ZFYVE26: variants seen among roughly 807,000 people sequenced by gnomAD.
The protein encoded by ZFYVE26 is zinc finger FYVE domain-containing protein 26.
A neutral mutation model predicts 276.5 loss-of-function variants in ZFYVE26; 181 were observed. That is an observed-to-expected ratio of 0.65 (90% CI 0.58 to 0.74). ZFYVE26 has a LOEUF of 0.74. ZFYVE26 is among the 30% of genes least tolerant of loss of function. The pLI is 0.00. For synonymous variants in ZFYVE26, 1,129 were observed against 1,203.1 expected, an observed-to-expected ratio of 0.94 and a Z score of 1.27; for missense variants, 2,821 against 3,097.9, an observed-to-expected ratio of 0.91 and a Z score of 2.12.
At chr14:67,800,120 A>G (rs1315744995) in intron 10 of ZFYVE26, among the ~76,000 whole-genome samples, 1 of 152,248 alleles carries the variant, frequency 6.6e-6, no homozygotes, top group African/African-American at 2.4e-5. Flanking sequence ...CAGGTATTAA[A>G]TTACTTTAAG....
rs1484923096 is a variant in ZFYVE26 at position 67,807,454 on chromosome 14, T to C, written c.830A>G (p.His277Arg). Reference sequence around the variant, plus strand: ...TTCTGTGACCTTCTCTGCATAGGTATGGCCATACAGGGACAGCAGGCCCCG... The same window carrying C: ...TTCTGTGACCTTCTCTGCATAGGTACGGCCATACAGGGACAGCAGGCCCCG... ...ASRGLLSLYG[H>R]TYAEKVTEKP... Residue 277 changes from histidine to arginine, a missense_variant, in exon 5 of 42, where the codon CAT becomes CGT. By Grantham distance (29) the His-to-Arg change is conservative. Transcript: ENST00000347230. 1 of 1,614,064 alleles carries C rather than the reference T, an allele frequency of 6.2e-7. No homozygotes were observed. The highest frequency in any genetic ancestry group is 1.3e-5 in the African/African-American group (1 of 74,936).
In ZFYVE26 at chr14:67,798,934, C is replaced by T. The variant is rs1237599480; in HGVS notation, c.1640-312G>A. 3.2e-5 allele frequency: 35 copies of T among 1,102,322 alleles called. No individual in the cohort carries two copies. The Admixed American group carries it at 5.8e-4, about 18-fold the overall frequency. 68.3% of individuals were successfully genotyped at this position (1,102,322 alleles called of 1,614,324 possible). A position where few individuals can be genotyped will look rare whatever the true frequency, so the allele number is the denominator to read the frequency against. On this transcript the variant is annotated intron_variant, in intron 10 of 41. Transcript: ENST00000347230. ...GGGCGCTGAGCTCCGCTTGGCGCCT[C>T]TGATCTTTATTTCTCGCGCCGCGGT...
At chr14:67,775,406 C>T (rs1161906424) in intron 26 of ZFYVE26, among the ~76,000 whole-genome samples, 1 of 152,148 alleles carries the variant, frequency 6.6e-6, no homozygotes, top group Non-Finnish European at 1.5e-5. Flanking sequence ...AATGATGCCC[C>T]TGGAGAGTAG....
Position 67,756,027 on chromosome 14 carries a change from T to G in ZFYVE26, c.6707A>C (p.Lys2236Thr). The change falls in exon 36 of 42, where the codon AAG (lysine) becomes ACG (threonine). Residue 2236 changes from lysine to threonine, a missense_variant. Lys to Thr is a moderately conservative substitution (Grantham distance 78). Coordinates refer to ENST00000347230, the MANE Select transcript of ZFYVE26 (RefSeq NM_015346.4). ...ATGTTGGCAGGCAGCAATCAAGTAC[T>G]TTCCCCAGCTCTCCAAGGTTGGATC... ...SIDPTLESWGKYLIAACQHLQ... is the reference protein window; with the variant it reads ...SIDPTLESWGTYLIAACQHLQ... The G allele has an allele frequency of 6.2e-7, 1 of 1,614,258 alleles. No homozygotes were observed. The highest frequency in any genetic ancestry group is 8.5e-7 in the Non-Finnish European group (1 of 1,180,052).
intron 3 of ZFYVE26, among the ~76,000 whole-genome samples, chr14:67,809,887 C>T (rs540611362): frequency 4.7e-5 from 7 of 149,646 alleles, no homozygotes; most frequent in South Asian, 4.2e-4. Context: ...TGGGTTCAAG[C>T]GATTCTCCTG....
chr14:67,815,684 G>T, intron 2 of ZFYVE26, 86 bp downstream of exon 2: 1 of 1,310,518 alleles, frequency 7.6e-7, no homozygotes, highest in Non-Finnish European at 1.1e-6. Flanking sequence ...GAGGGTAGTT[G>T]AGTGGGGGCA....
chr14:67,814,489 A>C (rs1176254168), intron 2 of ZFYVE26, among the ~76,000 whole-genome samples: 1 of 152,050 alleles, frequency 6.6e-6, no homozygotes, highest in African/African-American at 2.4e-5. Flanking sequence ...ACTGCACTCC[A>C]GCCTGGGTGA....
intron 2 of ZFYVE26, among the ~76,000 whole-genome samples, chr14:67,814,842 G>T (rs974284389): frequency 6.6e-6 from 1 of 152,288 alleles, no homozygotes; most frequent in Non-Finnish European, 1.5e-5. Flanking sequence ...AGGAGAAAAA[G>T]AAAAGGAAGG....
intron 3 of ZFYVE26, among the ~76,000 whole-genome samples, chr14:67,811,726 CAT>C (rs1321915216): frequency 1.3e-5 from 2 of 150,426 alleles, no homozygotes; most frequent in African/African-American, 2.4e-5. Context: ...AGATATGTAA[CAT>C]ATATGTTATA....
intron 32 of ZFYVE26, 106 bp downstream of exon 32, chr14:67,766,121 T>A: frequency 9.1e-7 from 1 of 1,099,880 alleles, no homozygotes; most frequent in Non-Finnish European, 1.4e-6. Flanking sequence ...TTTCAGCATG[T>A]CTTGTCAGAG....
At chr14:67,757,646 C>CTTTCTT (rs1566865292) in intron 35 of ZFYVE26, among the ~76,000 whole-genome samples, 1 of 19,300 alleles carries the variant, frequency 5.2e-5, no homozygotes, top group Non-Finnish European at 2.2e-4. Context: ...TTTTGTCTTT[C>CTTTCTT]TTTCTTTCTT....
At chr14:67,767,477 G>C (rs2039088864) in intron 31 of ZFYVE26, among the ~76,000 whole-genome samples, 1 of 151,798 alleles carries the variant, frequency 6.6e-6, no homozygotes, top group Non-Finnish European at 1.5e-5. Flanking sequence ...TTCTTCCAAA[G>C]CTCATCTTAA....
Position 67,747,598 on chromosome 14 carries a change from GC to G in ZFYVE26, c.*837del. On this transcript the variant is annotated 3_prime_UTR_variant, in exon 42 of 42. Coordinates refer to ENST00000347230, the MANE Select transcript of ZFYVE26 (RefSeq NM_015346.4). Reference sequence around the variant, plus strand: ...CATTCTCTCACCCACCAACTTTGCAGCAGGGACATTCACAACAGGCAGCTCT... The same window carrying G: ...CATTCTCTCACCCACCAACTTTGCAGAGGGACATTCACAACAGGCAGCTCT... 6.6e-6 allele frequency: 1 copy of G among 152,636 alleles called. No individual in the cohort carries two copies. Among genetic ancestry groups the G allele is most frequent in the Non-Finnish European group, 1.5e-5 (1 of 68,316 alleles). The allele number at this position is 152,636 out of a possible 1,614,324, so 9.5% of individuals were successfully genotyped here.
At position 67,813,981 on chromosome 14, in the gene ZFYVE26, C is replaced by G; in HGVS notation, c.273+5G>C. 1 of 1,611,636 alleles carries G rather than the reference C, an allele frequency of 6.2e-7. No homozygotes were observed. The highest frequency in any genetic ancestry group is 8.5e-7 in the Non-Finnish European group (1 of 1,177,956). Reference sequence around the variant, plus strand: ...CGGAGGAAAATTTAATATAAACCTACTTACCTTTTCCCGGGCCAACCATTT... The same window carrying G: ...CGGAGGAAAATTTAATATAAACCTAGTTACCTTTTCCCGGGCCAACCATTT... On this transcript the variant is annotated splice_donor_5th_base_variant and intron_variant, in intron 3 of 41. Coordinates refer to ENST00000347230, the MANE Select transcript of ZFYVE26 (RefSeq NM_015346.4).
chr14:67,739,948 T>C (rs1436787762), intron 13 of ZFYVE26, among the ~76,000 whole-genome samples: 1 of 152,226 alleles, frequency 6.6e-6, no homozygotes, highest in East Asian at 1.9e-4. Flanking sequence ...TAAAAGTTTA[T>C]TTCTCGCTCA....
intron 27 of ZFYVE26, among the ~76,000 whole-genome samples, chr14:67,774,526 G>T (rs1197422384): frequency 1.3e-5 from 2 of 152,098 alleles, no homozygotes; most frequent in Non-Finnish European, 2.9e-5. Flanking sequence ...CAGAAGATGG[G>T]GATGGTAGCG....
chr14:67,729,793 C>A, exon 14 of ZFYVE26: 1 of 498,042 alleles, frequency 2.0e-6, no homozygotes, highest in East Asian at 5.6e-5. Flanking sequence ...GAACTCTGTC[C>A]CTCAATGCTG....
exon 14 of ZFYVE26, chr14:67,729,786 C>T: frequency 2.0e-6 from 1 of 500,336 alleles, no homozygotes; most frequent in South Asian, 1.5e-5. Context: ...TCGGTGTGAA[C>T]TCTGTCCCTC....
intron 19 of ZFYVE26, 134 bp downstream of exon 19, chr14:67,784,925 G>GAGGA: frequency 1.1e-6 from 1 of 939,750 alleles, no homozygotes. Context: ...ATGAATAAGA[G>GAGGA]AGGACAACCT....
Sources: gnomAD v4.1 joint callset for allele counts (sites outside exome capture counted in the v4.1 genomes callset) on GRCh38, gnomAD v4.1.1 for gene constraint, MANE v1.5 for transcripts, NCBI Gene and HGNC (gene_info 2026-07-23, HGNC 2026-07-21) for gene names.